ZNF654: variants seen among roughly 807,000 people sequenced by gnomAD.
ZNF654 encodes the protein zinc finger protein 654, also known as melanoma-associated antigen.
A neutral mutation model predicts 95.3 loss-of-function variants in ZNF654; 19 were observed. The observed-to-expected ratio is 0.20, with a 90% CI of 0.14 to 0.29. ZNF654 has a LOEUF of 0.29. Among genes scored for constraint, ZNF654 ranks in the 10% least tolerant of loss-of-function variants. The pLI, the probability that ZNF654 is intolerant of heterozygous loss-of-function variation, is 1.00. For missense variants in ZNF654, 1,046 were observed against 1,341.0 expected (o/e 0.78, Z 3.44); for synonymous variants, 413 against 457.9 (o/e 0.90, Z 1.25).
chr3:88,104,451 TTG>T (rs1158352304), intron 2 of ZNF654, among the ~76,000 whole-genome samples: 1 of 152,136 alleles, frequency 6.6e-6, no homozygotes, highest in Admixed American at 6.5e-5. Flanking sequence ...ATGGATAGCG[TTG>T]TGTTTCAACA....
At chr3:88,104,963 AC>A (rs1704644123) in intron 2 of ZNF654, among the ~76,000 whole-genome samples, 2 of 152,228 alleles carry the variant, frequency 1.3e-5, no homozygotes, top group African/African-American at 4.8e-5. Flanking sequence ...ACATAGTGAA[AC>A]CCTGTCTCTA....
At chr3:88,126,460 A>C (rs1004118714) in intron 4 of ZNF654, among the ~76,000 whole-genome samples, 191 bp downstream of exon 4, 1 of 151,888 alleles carries the variant, frequency 6.6e-6, no homozygotes, top group African/African-American at 2.4e-5. Flanking sequence ...GGATCGGTAC[A>C]TTTATTTCTT....
At chr3:88,112,198 CTT>C (rs1226109890) in intron 2 of ZNF654, among the ~76,000 whole-genome samples, 1 of 151,344 alleles carries the variant, frequency 6.6e-6, no homozygotes, top group Non-Finnish European at 1.5e-5. Flanking sequence ...ATATTTAGGT[CTT>C]ATATAATTTT....
chr3:88,129,436 C>T (rs1453047646), intron 5 of ZNF654, among the ~76,000 whole-genome samples: 1 of 149,934 alleles, frequency 6.7e-6, no homozygotes, highest in African/African-American at 2.5e-5. Context: ...AGGAATTAAT[C>T]TTTTCCTAAT....
intron 1 of ZNF654, among the ~76,000 whole-genome samples, chr3:88,067,634 GT>G (rs1707275909): frequency 6.6e-6 from 1 of 152,216 alleles, no homozygotes; most frequent in Non-Finnish European, 1.5e-5. Flanking sequence ...GAAAGAGAAT[GT>G]TTTAGGATGG....
intron 1 of ZNF654, among the ~76,000 whole-genome samples, chr3:88,067,528 ATG>A (rs1206274427): frequency 6.6e-6 from 1 of 152,242 alleles, no homozygotes; most frequent in Non-Finnish European, 1.5e-5. Flanking sequence ...TCAAAATTAA[ATG>A]TCTCAGTAGG....
Position 88,139,923 on chromosome 3 carries a change from G to A in ZNF654, c.2254G>A (p.Gly752Ser), listed in dbSNP as rs1220375941. The change falls in exon 8 of 9, where the codon GGT becomes AGT. Residue 752 changes from glycine (G) to serine (S), a missense_variant. This residue lies in a region of ZNF654 where 495 missense variants were observed against 537.0 expected (regional missense o/e 0.92). Coordinates refer to ENST00000636215, the MANE Select transcript of ZNF654 (RefSeq NM_001350134.2). ...QEGNFKCPALGCVRIFKRIGF... is the reference protein window; with the variant it reads ...QEGNFKCPALSCVRIFKRIGF... ...AGGAAACTTTAAGTGTCCTGCTCTT[G>A]GTTGTGTCCGGATATTTAAAAGAAT... The A allele has an allele frequency of 6.2e-7, 1 of 1,613,414 alleles. No homozygotes were observed. Among genetic ancestry groups the A allele is most frequent in the African/African-American group, 1.3e-5 (1 of 74,876 alleles).
chr3:88,071,591 G>A (rs1301607707), intron 1 of ZNF654, among the ~76,000 whole-genome samples: 3 of 152,238 alleles, frequency 2.0e-5, no homozygotes, highest in South Asian at 2.1e-4. Context: ...AGCTGAGATC[G>A]CGCCACTGCA....
chr3:88,137,749 C>T (rs113316554), intron 7 of ZNF654, among the ~76,000 whole-genome samples: 1,685 of 152,116 alleles, frequency 0.011, 24 homozygotes, highest in African/African-American at 0.038. Context: ...AAGTGAAAAT[C>T]GGATGTGCCA....
At chr3:88,122,254 G>A (rs1705813903) in intron 3 of ZNF654, among the ~76,000 whole-genome samples, 1 of 152,168 alleles carries the variant, frequency 6.6e-6, no homozygotes. Flanking sequence ...AATTTTGGGA[G>A]ATGTGGAAGA....
chr3:88,112,033 G>A (rs1259022516), intron 2 of ZNF654, among the ~76,000 whole-genome samples: 1 of 151,748 alleles, frequency 6.6e-6, no homozygotes, highest in African/African-American at 2.4e-5. Context: ...TTAAATTAAG[G>A]AAATCATCAA....
At chr3:88,125,737 C>A (rs1225092191) in intron 3 of ZNF654, among the ~76,000 whole-genome samples, 2 of 152,208 alleles carry the variant, frequency 1.3e-5, no homozygotes, top group Non-Finnish European at 2.9e-5. Flanking sequence ...CCCACGCCCC[C>A]TGCCCTACCA....
intron 1 of ZNF654, 132 bp downstream of exon 1, chr3:88,059,637 G>A: frequency 7.6e-7 from 1 of 1,311,430 alleles, no homozygotes; most frequent in Non-Finnish European, 9.9e-7. Context: ...TGAGGCTGAA[G>A]CTCCCTCCTC....
At chr3:88,110,888 T>G (rs1234067299) in intron 2 of ZNF654, among the ~76,000 whole-genome samples, 1 of 152,138 alleles carries the variant, frequency 6.6e-6, no homozygotes, top group African/African-American at 2.4e-5. Context: ...GTTTTGCCTT[T>G]ATTTGCTGTT....
intron 3 of ZNF654, among the ~76,000 whole-genome samples, chr3:88,125,808 T>C (rs1706066502): frequency 6.6e-6 from 1 of 152,174 alleles, no homozygotes; most frequent in Non-Finnish European, 1.5e-5. Context: ...TATGAACCTT[T>C]ATATAAATTT....
chr3:88,086,155 C>T (rs1238091113), intron 1 of ZNF654, 102 bp from the exon 2 acceptor site: 9 of 1,060,600 alleles, frequency 8.5e-6, no homozygotes, highest in Middle Eastern at 3.1e-4. Context: ...GTGTTCATGC[C>T]GATCTAATAT....
chr3:88,071,779 G>A (rs1468461139), intron 1 of ZNF654, among the ~76,000 whole-genome samples: 2 of 152,142 alleles, frequency 1.3e-5, no homozygotes, highest in East Asian at 3.9e-4. Flanking sequence ...ACTCCAGCCT[G>A]GGCGACAAGA....
chr3:88,088,385 A>C (rs1708446416), intron 2 of ZNF654, among the ~76,000 whole-genome samples: 2 of 152,360 alleles, frequency 1.3e-5, no homozygotes, highest in Middle Eastern at 3.4e-3. Flanking sequence ...TGTTGAAAAT[A>C]AAAATGAAAT....
chr3:88,111,799 TC>T (rs1210856067), intron 2 of ZNF654, among the ~76,000 whole-genome samples: 1 of 151,986 alleles, frequency 6.6e-6, no homozygotes, highest in Admixed American at 6.6e-5. Flanking sequence ...GATTATCAGG[TC>T]CTGTTTCTAT....
Sources: gnomAD v4.1 joint callset for allele counts (sites outside exome capture counted in the v4.1 genomes callset) on GRCh38, gnomAD v4.1.1 for gene constraint, gnomAD v4.1.1 regional missense constraint, MANE v1.5 for transcripts, NCBI Gene and HGNC (gene_info 2026-07-23, HGNC 2026-07-21) for gene names.